Variants in CORO2B observed in about 807,000 individuals in gnomAD.
The protein encoded by CORO2B is coronin-2B.
A neutral mutation model predicts 58.8 loss-of-function variants in CORO2B; 26 were observed. The ratio of observed to expected loss-of-function variants is 0.44; its 90% confidence interval spans 0.32 to 0.61. The LOEUF (loss-of-function observed/expected upper bound fraction) is 0.61. Ranked by LOEUF, CORO2B falls within the 20% of genes least tolerant of loss-of-function variation. CORO2B has a pLI of 0.04. For synonymous variants in CORO2B, 242 were observed against 253.8 expected, an observed-to-expected ratio of 0.95 and a Z score of 0.44; for missense variants, 460 against 645.1, an observed-to-expected ratio of 0.71 and a Z score of 3.11.
chr15:68,579,320 TG>T, intron 1 of CORO2B, 43 bp downstream of exon 1: 1 of 1,271,624 alleles, frequency 7.9e-7, no homozygotes. Context: ...CGCCGGCGCC[TG>T]CATCCCCCGG....
intron 1 of CORO2B, among the ~76,000 whole-genome samples, chr15:68,595,034 G>A (rs1403856611): frequency 6.6e-6 from 1 of 152,178 alleles, no homozygotes; most frequent in Non-Finnish European, 1.5e-5. Flanking sequence ...GTCCAGTTCT[G>A]TCTGCCCCTT....
intron 1 of CORO2B, among the ~76,000 whole-genome samples, chr15:68,608,785 C>A (rs1270955405): frequency 6.6e-6 from 1 of 152,154 alleles, no homozygotes; most frequent in Admixed American, 6.5e-5. Flanking sequence ...CTTCCCACAG[C>A]TGGCTTTGAA....
chr15:68,575,912 T>G (rs1165397396), upstream of CORO2B, among the ~76,000 whole-genome samples: 2 of 150,896 alleles, frequency 1.3e-5, no homozygotes, highest in African/African-American at 4.9e-5. Context: ...CCCAACACTT[T>G]GGGAGGCCGA....
chr15:68,725,235 G>A (rs765170827), intron 11 of CORO2B, among the ~76,000 whole-genome samples: 4 of 152,048 alleles, frequency 2.6e-5, no homozygotes, highest in Non-Finnish European at 5.9e-5. Flanking sequence ...CAGGCATGGT[G>A]GCACATGCCT....
At chr15:68,531,579 A>G in the CORO2B span, among the ~76,000 whole-genome samples, 2 of 149,888 alleles carry the variant, frequency 1.3e-5, no homozygotes, top group African/African-American at 4.9e-5. Context: ...AGAAAGAGAA[A>G]GAAAGAGAAA....
At chr15:68,679,747 G>A (rs1902710563) in intron 2 of CORO2B, among the ~76,000 whole-genome samples, 1 of 152,162 alleles carries the variant, frequency 6.6e-6, no homozygotes. Context: ...AGCCCCTGAG[G>A]ATCAACCAAC....
intron 1 of CORO2B, chr15:68,616,427 G>C: frequency 3.4e-6 from 1 of 292,364 alleles, no homozygotes; most frequent in Non-Finnish European, 5.1e-6. Context: ...CAACAGAAGG[G>C]GAAGGTCTTG....
chr15:68,668,117 G>A (rs531645135), intron 2 of CORO2B, among the ~76,000 whole-genome samples: 15 of 152,306 alleles, frequency 9.8e-5, no homozygotes, highest in African/African-American at 2.2e-4. Flanking sequence ...ATACAAAGTC[G>A]CACAGCTGGG....
upstream of CORO2B, among the ~76,000 whole-genome samples, chr15:68,577,105 G>T (rs117504253): frequency 3.9e-3 from 597 of 152,222 alleles, 1 homozygote; most frequent in Middle Eastern, 0.01. Context: ...CAGAGGAGAC[G>T]CCTGAGGTCT....
the CORO2B span, among the ~76,000 whole-genome samples, chr15:68,518,849 T>C: frequency 6.6e-6 from 1 of 152,154 alleles, no homozygotes; most frequent in Admixed American, 6.5e-5. Context: ...TCATCTGCTC[T>C]TGGTCCCTCA....
chr15:68,591,485 G>T (rs1217344841), intron 1 of CORO2B, among the ~76,000 whole-genome samples: 1 of 152,178 alleles, frequency 6.6e-6, no homozygotes, highest in Non-Finnish European at 1.5e-5. Flanking sequence ...TTCATTGTGT[G>T]GTGTTGCTGG....
intron 1 of CORO2B, chr15:68,641,584 C>G: frequency 1.0e-6 from 1 of 985,368 alleles, no homozygotes; most frequent in Non-Finnish European, 1.2e-6. Flanking sequence ...ACCTGGGGAA[C>G]CTGGGGTAAG....
chr15:68,599,620 G>A (rs150885656), intron 1 of CORO2B, among the ~76,000 whole-genome samples: 1 of 152,166 alleles, frequency 6.6e-6, no homozygotes, highest in Non-Finnish European at 1.5e-5. Flanking sequence ...ACGCTGCCCA[G>A]ACAGATCTGG....
chr15:68,643,769 G>A (rs1385519595), intron 1 of CORO2B, among the ~76,000 whole-genome samples: 1 of 152,186 alleles, frequency 6.6e-6, no homozygotes, highest in Non-Finnish European at 1.5e-5. Context: ...GCGGCACCGT[G>A]GCTCACACCT....
chr15:68,653,911 C>T (rs959979204), intron 2 of CORO2B, among the ~76,000 whole-genome samples: 4 of 152,000 alleles, frequency 2.6e-5, no homozygotes, highest in African/African-American at 7.2e-5. Context: ...GTGAGGTCTC[C>T]GCCCCTCCAA....
chr15:68,625,489 G>A (rs1900651610), intron 1 of CORO2B, among the ~76,000 whole-genome samples: 1 of 151,954 alleles, frequency 6.6e-6, no homozygotes, highest in South Asian at 2.1e-4. Context: ...ATTCATCCGT[G>A]TTCCATCTGT....
intron 1 of CORO2B, among the ~76,000 whole-genome samples, chr15:68,589,961 G>T (rs971859969): frequency 6.6e-6 from 1 of 152,176 alleles, no homozygotes; most frequent in Non-Finnish European, 1.5e-5. Flanking sequence ...CCTCCACAGT[G>T]GCCCGTGACC....
At chr15:68,669,645 A>T (rs553736974) in intron 2 of CORO2B, among the ~76,000 whole-genome samples, 1 of 152,324 alleles carries the variant, frequency 6.6e-6, no homozygotes, top group South Asian at 2.1e-4. Context: ...GGAAAAAAAA[A>T]TTCAACTTTC....
intron 1 of CORO2B, among the ~76,000 whole-genome samples, chr15:68,604,158 G>A (rs1009455123): frequency 3.9e-5 from 6 of 152,252 alleles, no homozygotes; most frequent in African/African-American, 9.6e-5. Context: ...GCCCCTCGTC[G>A]TTCTTATCAC....
Sources: gnomAD v4.1 joint callset for allele counts (sites outside exome capture counted in the v4.1 genomes callset) on GRCh38, gnomAD v4.1.1 for gene constraint, MANE v1.5 for transcripts, NCBI Gene and HGNC (gene_info 2026-07-23, HGNC 2026-07-21) for gene names.